The following HS2ST1 variants were observed in gnomAD, a reference collection of about 807,000 sequenced individuals.
The protein encoded by HS2ST1 is heparan sulfate 2-O-sulfotransferase 1, also known as 2-O-sulfotransferase.
In HS2ST1, 18 loss-of-function variants were observed where a neutral mutation model predicts 42.9. The observed-to-expected ratio is 0.42, with a 90% CI of 0.29 to 0.62. The LOEUF is 0.62. Ranked by LOEUF, HS2ST1 falls within the 20% of genes least tolerant of loss-of-function variation. HS2ST1 has a pLI of 0.21. For synonymous variants in HS2ST1, 146 were observed against 152.9 expected (o/e 0.95, Z 0.33); for missense variants, 334 against 433.8 (o/e 0.77, Z 2.04).
chr1:86,928,640 A>G (rs1660472264), intron 1 of HS2ST1, among the ~76,000 whole-genome samples: 1 of 151,988 alleles, frequency 6.6e-6, no homozygotes, highest in Non-Finnish European at 1.5e-5. Context: ...GATTAGAAAG[A>G]CTGGCTTAAC....
At chr1:87,056,929 A>G (rs954242396) in intron 1 of HS2ST1, among the ~76,000 whole-genome samples, 1 of 152,192 alleles carries the variant, frequency 6.6e-6, no homozygotes, top group Non-Finnish European at 1.5e-5. Flanking sequence ...TTGAAAAAGA[A>G]TATTTCCAAT....
At chr1:86,923,688 G>A (rs934920411) in intron 1 of HS2ST1, among the ~76,000 whole-genome samples, 1 of 152,134 alleles carries the variant, frequency 6.6e-6, no homozygotes, top group African/African-American at 2.4e-5. Context: ...GAGCCACTTC[G>A]CCTGGCGGGA....
At chr1:86,943,927 G>A (rs1261036680) in intron 1 of HS2ST1, among the ~76,000 whole-genome samples, 1 of 152,088 alleles carries the variant, frequency 6.6e-6, no homozygotes, top group Non-Finnish European at 1.5e-5. Context: ...TTGGGAGGCT[G>A]AGGCAGGAGA....
intron 1 of HS2ST1, among the ~76,000 whole-genome samples, chr1:86,917,673 TTTAA>T (rs1184424095): frequency 6.6e-6 from 1 of 152,238 alleles, no homozygotes; most frequent in African/African-American, 2.4e-5. Flanking sequence ...CAAGTGCTCC[TTTAA>T]TTATGTCCGG....
rs187994798 is a variant in HS2ST1 at position 86,995,729 on chromosome 1, G to A, written c.125-77205G>A. 1.2e-4 allele frequency among the ~76,000 whole-genome samples: 18 copies of A among 152,218 alleles called. No homozygotes were observed. In the East Asian group the frequency reaches 2.9e-3, roughly 24 times the overall value. The stretch of plus-strand genomic sequence containing the variant: ...AAATTCTGGCATTACATACCAAACA[G>A]GAGAGACAAGCTTCTGCCTTCATTG... On this transcript the variant is annotated intron_variant, in intron 1 of 6. Transcript: ENST00000370550.
intron 1 of HS2ST1, among the ~76,000 whole-genome samples, chr1:86,933,203 A>T (rs1250885344): frequency 6.6e-6 from 1 of 152,044 alleles, no homozygotes; most frequent in Non-Finnish European, 1.5e-5. Flanking sequence ...AGCTTCATGG[A>T]TCTGTAGTTT....
At chr1:87,006,039 AAG>A (rs1649430028) in intron 1 of HS2ST1, among the ~76,000 whole-genome samples, 1 of 152,252 alleles carries the variant, frequency 6.6e-6, no homozygotes, top group South Asian at 2.1e-4. Flanking sequence ...TAGGTAGAAT[AAG>A]AGAAATTCTT....
intron 1 of HS2ST1, among the ~76,000 whole-genome samples, chr1:86,921,091 T>TG (rs58209779): frequency 0.24 from 36,104 of 151,692 alleles, 5,032 homozygotes; most frequent in African/African-American, 0.38. Flanking sequence ...CAATTACAAA[T>TG]AAAAAAAAAC....
intron 2 of HS2ST1, among the ~76,000 whole-genome samples, chr1:87,083,315 A>G (rs1472124384): frequency 6.6e-6 from 1 of 152,218 alleles, no homozygotes; most frequent in Non-Finnish European, 1.5e-5. Flanking sequence ...CTGAAGTCAT[A>G]GCTTGCAGAT....
chr1:86,946,469 C>T (rs150882798), intron 1 of HS2ST1, among the ~76,000 whole-genome samples: 1 of 152,292 alleles, frequency 6.6e-6, no homozygotes, highest in East Asian at 1.9e-4. Flanking sequence ...TAGATCACCA[C>T]CATAACAGTA....
At chr1:87,069,931 GT>G (rs2100632052) in intron 1 of HS2ST1, among the ~76,000 whole-genome samples, 1 of 152,314 alleles carries the variant, frequency 6.6e-6, no homozygotes, top group African/African-American at 2.4e-5. Flanking sequence ...CAATTTTGCA[GT>G]TTGTCTCATG....
At chr1:87,039,283 A>G (rs1455856564) in intron 1 of HS2ST1, among the ~76,000 whole-genome samples, 2 of 152,228 alleles carry the variant, frequency 1.3e-5, no homozygotes, top group African/African-American at 4.8e-5. Context: ...AGCCAATGCT[A>G]CCTCAGCAAT....
intron 1 of HS2ST1, among the ~76,000 whole-genome samples, chr1:87,035,994 C>T (rs1314282408): frequency 6.6e-6 from 1 of 151,572 alleles, no homozygotes; most frequent in African/African-American, 2.4e-5. Flanking sequence ...CCTGACAGGC[C>T]CCGATGTGTG....
In HS2ST1 at chr1:87,109,436, CT is replaced by C. The variant is rs1652416803; in HGVS notation, c.*4742del. 1 of 151,862 alleles carries C rather than the reference CT, an allele frequency of 6.6e-6. No individual in the cohort carries two copies. The highest frequency in any genetic ancestry group is 2.1e-4 in the South Asian group (1 of 4,820). 9.4% of individuals were successfully genotyped at this position (151,862 alleles called of 1,614,324 possible). On this transcript the variant is annotated 3_prime_UTR_variant, in exon 7 of 7. Coordinates refer to ENST00000370550, the MANE Select transcript of HS2ST1 (RefSeq NM_012262.4). ...AGATGGAAAACTTACAAAATATATA[CT>C]TAATTAGAAGAAAAAAATAGAGAAA... is the stretch of plus-strand genomic sequence containing the variant.
At chr1:86,990,232 ATGCAATGT>A (rs994729812) in intron 1 of HS2ST1, among the ~76,000 whole-genome samples, 3 of 152,166 alleles carry the variant, frequency 2.0e-5, no homozygotes, top group African/African-American at 7.2e-5. Context: ...AGTTCTTAAA[ATGCAATGT>A]TGTTTATTTG....
chr1:87,065,058 A>G (rs964147629), intron 1 of HS2ST1, among the ~76,000 whole-genome samples: 8 of 152,200 alleles, frequency 5.3e-5, no homozygotes, highest in African/African-American at 1.9e-4. Context: ...TTCCATGAGG[A>G]TCAGATGGTG....
At chr1:87,100,166 T>C (rs1487043606) in intron 5 of HS2ST1, among the ~76,000 whole-genome samples, 1 of 152,204 alleles carries the variant, frequency 6.6e-6, no homozygotes, top group African/African-American at 2.4e-5. Flanking sequence ...TGAGTCTTTG[T>C]GTGGGGTGAG....
intron 1 of HS2ST1, among the ~76,000 whole-genome samples, chr1:86,961,735 A>G (rs1407835873): frequency 6.6e-6 from 1 of 152,114 alleles, no homozygotes; most frequent in Non-Finnish European, 1.5e-5. Context: ...CACTCCAGAA[A>G]CACCCTATAC....
chr1:87,011,444 A>T (rs924725922), intron 1 of HS2ST1, among the ~76,000 whole-genome samples: 1 of 151,374 alleles, frequency 6.6e-6, no homozygotes, highest in Admixed American at 6.6e-5. Flanking sequence ...GGGTCTCACT[A>T]TGTTTTCCAA....
Sources: allele counts gnomAD v4.1 joint callset (sites outside exome capture counted in the v4.1 genomes callset), GRCh38; gene constraint gnomAD v4.1.1; transcripts MANE v1.5; gene names NCBI Gene and HGNC (gene_info 2026-07-23, HGNC 2026-07-21).